RALGAPA2: variants seen among roughly 807,000 people sequenced by gnomAD.
RALGAPA2 encodes ral GTPase-activating protein subunit alpha-2.
RALGAPA2 carries 139 observed loss-of-function variants against 230.4 expected under a neutral mutation model. The ratio of observed to expected loss-of-function variants is 0.60; its 90% CI spans 0.53 to 0.69. The LOEUF (loss-of-function observed/expected upper bound fraction) is 0.69. Among genes scored for constraint, RALGAPA2 ranks in the 30% least tolerant of loss-of-function variants. RALGAPA2 has a pLI of 0.00. For synonymous variants in RALGAPA2, 847 were observed against 837.8 expected, an observed-to-expected ratio of 1.01 and a Z score of -0.19; for missense variants, 2,163 against 2,276.0, an observed-to-expected ratio of 0.95 and a Z score of 1.01.
In RALGAPA2 at chr20:20,506,218, A is replaced by C. The variant is rs547132447; in HGVS notation, c.4929-684T>G. Among the ~76,000 whole-genome samples, 3 of 152,094 alleles carry C rather than the reference A, an allele frequency of 2.0e-5. No individual in the cohort carries two copies. In the South Asian group the frequency reaches 6.2e-4, roughly 32 times the overall value. ...CCTTCATCTGCTTGTTCCAACATAGATCTTGGATACTCTGGTATCAAATCA... is the reference window on the plus strand; with the variant it reads ...CCTTCATCTGCTTGTTCCAACATAGCTCTTGGATACTCTGGTATCAAATCA... On this transcript the variant is annotated intron_variant, in intron 33 of 39. Coordinates refer to ENST00000202677, the MANE Select transcript of RALGAPA2 (RefSeq NM_020343.4).
At chr20:20,394,955 C>T (rs6035619) in intron 39 of RALGAPA2, among the ~76,000 whole-genome samples, 30 of 147,016 alleles carry the variant, frequency 2.0e-4, no homozygotes, top group African/African-American at 6.3e-4. Context: ...AGAGAAAGAG[C>T]GAACCTTTGC....
At chr20:20,525,633 T>A (rs2063177778) in intron 28 of RALGAPA2, among the ~76,000 whole-genome samples, 1 of 152,158 alleles carries the variant, frequency 6.6e-6, no homozygotes, top group Admixed American at 6.5e-5. Flanking sequence ...GCTACAAAAA[T>A]CAGTAGAAGT....
chr20:20,575,405 G>GA (rs1046433016), intron 20 of RALGAPA2, among the ~76,000 whole-genome samples: 16 of 138,964 alleles, frequency 1.2e-4, no homozygotes, highest in Non-Finnish European at 2.2e-4. Context: ...TGTTGAGTTT[G>GA]TTTTTTTTTT....
rs374516943 is a variant in RALGAPA2, at chr20:20,512,981, A to G, written c.4388T>C (p.Val1463Ala). The G allele has an allele frequency of 1.2e-4, 194 of 1,613,686 alleles. No individual in the cohort carries two copies. The highest frequency in any genetic ancestry group is 1.6e-4 in the Non-Finnish European group (187 of 1,179,744). Residue 1463 changes from valine to alanine, a missense_variant, in exon 32 of 40, where the codon GTG becomes GCG. By Grantham distance (64) the Val-to-Ala change is moderately conservative (BLOSUM62 0). Coordinates refer to ENST00000202677, the MANE Select transcript of RALGAPA2 (RefSeq NM_020343.4). ...AGAGTACTTCCCTGAGATATCCCTC[A>G]CAATTACTCTCACATCAGAGAGAGA... ...VGSLSDVRVI[V>A]RDISGKYSWD...
At chr20:20,399,419 ATT>A (rs967201086) in intron 38 of RALGAPA2, among the ~76,000 whole-genome samples, 6 of 151,182 alleles carry the variant, frequency 4.0e-5, no homozygotes, top group African/African-American at 2.4e-5. Context: ...ATTTTTACCT[ATT>A]TGTGGTGCTG....
At chr20:20,502,267 G>A (rs2123679316) in intron 35 of RALGAPA2, among the ~76,000 whole-genome samples, 1 of 151,980 alleles carries the variant, frequency 6.6e-6, no homozygotes, top group East Asian at 1.9e-4. Context: ...CTGCAGTGGT[G>A]AAAAAGCAAA....
At position 20,495,214 on chromosome 20, in the gene RALGAPA2, C is replaced by T. The variant is rs201058606; in HGVS notation, c.5270G>A (p.Arg1757His). The change falls in exon 36 of 40, where the codon CGC becomes CAC. Residue 1757 changes from arginine to histidine, a missense_variant. Coordinates refer to ENST00000202677, the MANE Select transcript of RALGAPA2 (RefSeq NM_020343.4). ...AAAGGCAGTTGGGATAATACCCCTG[C>T]GGTAGTCTCTGGAGTGTTCAGACCA... is the stretch of plus-strand genomic sequence containing the variant. ...IVWSEHSRDY[R>H]RGIIPTAFGD... 6.2e-5 allele frequency: 100 copies of T among 1,611,232 alleles called. No individual in the cohort carries two copies. The highest frequency in any genetic ancestry group is 2.7e-4 in the African/African-American group (20 of 75,014).
chr20:20,436,995 G>A (rs1436702062), intron 37 of RALGAPA2, among the ~76,000 whole-genome samples: 1 of 152,222 alleles, frequency 6.6e-6, no homozygotes, highest in East Asian at 1.9e-4. Context: ...GAGGCTCCGA[G>A]CTCTGAATGC....
chr20:20,700,077 T>C (rs993025126), intron 1 of RALGAPA2, among the ~76,000 whole-genome samples: 7 of 152,042 alleles, frequency 4.6e-5, no homozygotes, highest in Admixed American at 1.3e-4. Flanking sequence ...TAGTGGTGGA[T>C]TGGATAAAGA....
rs890361420 is a variant in RALGAPA2, at chr20:20,390,426, C to T, written c.*2863G>A. 2.0e-5 allele frequency: 3 copies of T among 152,140 alleles called. No individual in the cohort carries two copies. The highest frequency in any genetic ancestry group is 4.8e-5 in the African/African-American group (2 of 41,420). 9.4% of individuals were successfully genotyped at this position (152,140 alleles called of 1,614,324 possible). On this transcript the variant is annotated 3_prime_UTR_variant, in exon 40 of 40. Coordinates refer to ENST00000202677, the MANE Select transcript of RALGAPA2 (RefSeq NM_020343.4). ...GTACGAAAGCCTAAGTACAATGAGACGATAAACATCAGCTTTGCTCTGGAT... is the reference window on the plus strand; with the variant it reads ...GTACGAAAGCCTAAGTACAATGAGATGATAAACATCAGCTTTGCTCTGGAT...
At chr20:20,680,960 A>G (rs1302635410) in intron 1 of RALGAPA2, among the ~76,000 whole-genome samples, 159 bp from the exon 2 acceptor site, 6 of 152,204 alleles carry the variant, frequency 3.9e-5, no homozygotes, top group African/African-American at 1.2e-4. Flanking sequence ...TCTCCACCTA[A>G]GAGAGTTCTT....
intron 36 of RALGAPA2, among the ~76,000 whole-genome samples, chr20:20,483,707 G>A (rs2061836971): frequency 6.6e-6 from 1 of 152,170 alleles, no homozygotes; most frequent in African/African-American, 2.4e-5. Context: ...AACTTCTTGA[G>A]GGCATTTCAT....
At chr20:20,643,983 T>C (rs1440675230) in intron 4 of RALGAPA2, among the ~76,000 whole-genome samples, 2 of 152,174 alleles carry the variant, frequency 1.3e-5, no homozygotes, top group Non-Finnish European at 2.9e-5. Context: ...GTTTGGTCCA[T>C]CAATAAATCC....
chr20:20,493,185 C>T (rs1194729409), intron 36 of RALGAPA2, among the ~76,000 whole-genome samples: 1 of 152,160 alleles, frequency 6.6e-6, no homozygotes, highest in African/African-American at 2.4e-5. Context: ...TTTCCCTCCG[C>T]AAGCCTCTTG....
chr20:20,477,362 T>G (rs2061676340), intron 36 of RALGAPA2, among the ~76,000 whole-genome samples: 1 of 152,196 alleles, frequency 6.6e-6, no homozygotes, highest in African/African-American at 2.4e-5. Context: ...CAGAATACTT[T>G]TTAAAAAGTG....
At chr20:20,538,661 A>G (rs2063561171) in intron 24 of RALGAPA2, among the ~76,000 whole-genome samples, 1 of 152,176 alleles carries the variant, frequency 6.6e-6, no homozygotes, top group Non-Finnish European at 1.5e-5. Context: ...TGGGGAGATT[A>G]CTGTTCTGAA....
chr20:20,684,716 AG>A (rs1220115789), intron 1 of RALGAPA2, among the ~76,000 whole-genome samples: 1 of 152,170 alleles, frequency 6.6e-6, no homozygotes, highest in Admixed American at 6.5e-5. Flanking sequence ...ACTTCAGAAG[AG>A]TTGAAATCAT....
In RALGAPA2 at chr20:20,708,414, T is replaced by C. The variant is rs530785320; in HGVS notation, c.106+3961A>G. Among the ~76,000 whole-genome samples, 263 of 152,284 alleles carry C rather than the reference T, an allele frequency of 1.7e-3. 1 individual carries two copies. Among genetic ancestry groups the C allele is most frequent in the African/African-American group, 2.2e-3 (92 of 41,558 alleles). ...TATGTCAAGGGCCGGGTGGAGATAA[T>C]TGAATCATGAGGGTGGCTTCCCCCA... On this transcript the variant is annotated intron_variant, in intron 1 of 39. Transcript: ENST00000202677.
Position 20,392,484 on chromosome 20 carries a change from C to T in RALGAPA2, c.*805G>A, listed in dbSNP as rs1283315454. ...GTCTGTGTTGTTTTGAGCCTTGGGA[C>T]ACTTCCTGTCCTGCAGGAACTTATG... On this transcript the variant is annotated 3_prime_UTR_variant, in exon 40 of 40. Coordinates refer to ENST00000202677, the MANE Select transcript of RALGAPA2 (RefSeq NM_020343.4). The T allele has an allele frequency of 6.6e-6, 1 of 152,638 alleles. No homozygotes were observed. The highest frequency in any genetic ancestry group is 1.5e-5 in the Non-Finnish European group (1 of 68,356). 9.5% of individuals were successfully genotyped at this position (152,638 alleles called of 1,614,324 possible). A position where few individuals can be genotyped will look rare whatever the true frequency, so the allele number is the denominator to read the frequency against.
Sources: allele counts gnomAD v4.1 joint callset (sites outside exome capture counted in the v4.1 genomes callset), GRCh38; gene constraint gnomAD v4.1.1; transcripts MANE v1.5; gene names NCBI Gene and HGNC (gene_info 2026-07-23, HGNC 2026-07-21).